SLCO3A1: variants seen among roughly 807,000 people sequenced by gnomAD.
SLCO3A1 encodes PGE1 transporter.
In SLCO3A1, 27 loss-of-function variants were observed where a neutral mutation model predicts 63.1. The ratio of observed to expected loss-of-function variants is 0.43; its 90% CI spans 0.32 to 0.59. The LOEUF (loss-of-function observed/expected upper bound fraction) is 0.59, where lower values mean the gene tolerates loss of function less well. SLCO3A1 is among the 20% of genes least tolerant of loss of function. The probability of loss-of-function intolerance (pLI) is 0.09; values close to 1 mark genes in which losing one functional copy is unlikely to be tolerated. For synonymous variants in SLCO3A1, 473 were observed against 409.9 expected (o/e 1.15, Z -1.86); for missense variants, 773 against 945.8 (o/e 0.82, Z 2.40).
chr15:91,876,206 G>A (rs922659713), intron 1 of SLCO3A1, among the ~76,000 whole-genome samples: 1 of 152,128 alleles, frequency 6.6e-6, no homozygotes, highest in Admixed American at 6.5e-5. Flanking sequence ...TCACTCCCAG[G>A]AGTGGCATTG....
At chr15:91,861,372 C>T (rs994867862) in intron 1 of SLCO3A1, among the ~76,000 whole-genome samples, 3 of 152,158 alleles carry the variant, frequency 2.0e-5, no homozygotes, top group South Asian at 2.1e-4. Flanking sequence ...TTCTTTATTT[C>T]GGTTCTTCTT....
rs1030047811 is a variant in SLCO3A1, at chr15:92,171,741, CTTT to C, written c.1997-36_1997-34del. ...TAGGTGAAGCAGAAAAGACCGATCT[CTTT>C]TTCCTCTTGGCTCTTCTTCCCTCCT... On this transcript the variant is annotated intron_variant, in intron 10 of 10. Coordinates refer to the SLCO3A1 transcript ENST00000424469. 2.8e-6 allele frequency: 4 copies of C among 1,428,348 alleles called. No individual in the cohort carries two copies. The African/African-American group carries it at 4.3e-5, about 15-fold the overall frequency. 88.5% of individuals were successfully genotyped at this position (1,428,348 alleles called of 1,614,324 possible).
intron 2 of SLCO3A1, among the ~76,000 whole-genome samples, chr15:91,964,291 C>T (rs1900574178): frequency 7.8e-6 from 1 of 128,954 alleles, no homozygotes; most frequent in South Asian, 2.4e-4. Context: ...GCCTTGTCAT[C>T]TGTAATTTTT....
intron 2 of SLCO3A1, among the ~76,000 whole-genome samples, chr15:91,974,191 G>T: frequency 6.6e-6 from 1 of 152,002 alleles, no homozygotes; most frequent in East Asian, 1.9e-4. Flanking sequence ...TAAGAACCAG[G>T]ACAGCAGGTT....
chr15:92,056,296 C>T (rs1317840606), intron 2 of SLCO3A1, among the ~76,000 whole-genome samples: 1 of 152,130 alleles, frequency 6.6e-6, no homozygotes, highest in Non-Finnish European at 1.5e-5. Flanking sequence ...GAATACAATT[C>T]CTTGCTGAAC....
intron 2 of SLCO3A1, among the ~76,000 whole-genome samples, chr15:92,091,366 CCCTT>C (rs970973147): frequency 6.6e-6 from 1 of 152,196 alleles, no homozygotes; most frequent in African/African-American, 2.4e-5. Flanking sequence ...GAGGCGCTGG[CCCTT>C]CCTTCCACAG....
At chr15:92,150,129 C>G (rs2048285187) in intron 8 of SLCO3A1, among the ~76,000 whole-genome samples, 1 of 152,152 alleles carries the variant, frequency 6.6e-6, no homozygotes, top group Non-Finnish European at 1.5e-5. Flanking sequence ...GTCTGGGTCC[C>G]AAACTGAAGA....
At chr15:91,917,305 C>T (rs1421958092) in intron 2 of SLCO3A1, among the ~76,000 whole-genome samples, 1 of 152,194 alleles carries the variant, frequency 6.6e-6, no homozygotes, top group African/African-American at 2.4e-5. Flanking sequence ...CCCAGGGAAG[C>T]TTTATGCCTC....
rs1385522824 is a variant in SLCO3A1 at position 92,133,702 on chromosome 15, G to A, written c.1512+5213G>A. On this transcript the variant is annotated intron_variant, in intron 7 of 9. Transcript: ENST00000318445. ...ATTGTCTCCCATCATCCCTAGATGG[G>A]ACCGTCTAGTTACAGGAAAACAAGC... 7.6e-5 allele frequency among the ~76,000 whole-genome samples: 11 copies of A among 145,312 alleles called. 1 individual carries two copies. Among genetic ancestry groups the A allele is most frequent in the Admixed American group, 7.5e-4 (11 of 14,644 alleles).
chr15:91,975,832 G>A (rs1405038360), intron 2 of SLCO3A1, among the ~76,000 whole-genome samples: 1 of 152,224 alleles, frequency 6.6e-6, no homozygotes, highest in African/African-American at 2.4e-5. Flanking sequence ...ACACCAGCCT[G>A]AAGAGCTGTG....
At chr15:92,102,904 C>G (rs1052134406) in intron 3 of SLCO3A1, among the ~76,000 whole-genome samples, 3 of 152,200 alleles carry the variant, frequency 2.0e-5, no homozygotes, top group South Asian at 2.1e-4. Flanking sequence ...CCCCATGAAC[C>G]TGGGCAACGA....
intron 2 of SLCO3A1, among the ~76,000 whole-genome samples, chr15:92,072,962 C>T (rs1398618738): frequency 6.6e-6 from 1 of 152,112 alleles, no homozygotes; most frequent in Non-Finnish European, 1.5e-5. Context: ...TTACACGGGG[C>T]AGAAGAGAGA....
At chr15:91,940,753 G>A (rs914533307) in intron 2 of SLCO3A1, among the ~76,000 whole-genome samples, 4 of 152,184 alleles carry the variant, frequency 2.6e-5, no homozygotes, top group Non-Finnish European at 5.9e-5. Context: ...CCCAGAGAAT[G>A]AATGCCCTGT....
rs1898718759 is a variant in SLCO3A1 at position 91,918,021 on chromosome 15, C to T, written c.646+1563C>T. Among the ~76,000 whole-genome samples, 4 of 152,216 alleles carry T rather than the reference C, an allele frequency of 2.6e-5. No individual in the cohort carries two copies. In the South Asian group the frequency reaches 8.3e-4, roughly 32 times the overall value. On this transcript the variant is annotated intron_variant, in intron 2 of 9. Transcript: ENST00000318445. ...GTAGAAAAATTTCTCCCCAGAGTCA[C>T]CCCTGAAGTCCTAACAGTGCTGTAT...
chr15:92,004,534 A>T (rs1567061984), intron 2 of SLCO3A1, among the ~76,000 whole-genome samples: 1 of 152,202 alleles, frequency 6.6e-6, no homozygotes, highest in Admixed American at 6.5e-5. Context: ...AGTGTTGAAG[A>T]GATGATGAAT....
chr15:91,991,266 C>T (rs1364185733), intron 2 of SLCO3A1, among the ~76,000 whole-genome samples: 1 of 152,038 alleles, frequency 6.6e-6, no homozygotes, highest in African/African-American at 2.4e-5. Flanking sequence ...ACTCAGGAGG[C>T]TGAGGTGGGG....
intron 2 of SLCO3A1, among the ~76,000 whole-genome samples, chr15:92,069,096 G>GCCCCCCCC (rs56003783): frequency 1.7e-5 from 2 of 115,740 alleles, no homozygotes; most frequent in Admixed American, 8.8e-5. Flanking sequence ...GGCTCCCCCC[G>GCCCCCCCC]CCCCCCCCCC....
At chr15:92,107,350 C>T (rs927635692) in intron 4 of SLCO3A1, among the ~76,000 whole-genome samples, 2 of 152,164 alleles carry the variant, frequency 1.3e-5, no homozygotes, top group African/African-American at 2.4e-5. Context: ...TTACACATGC[C>T]AGTGCATGAA....
At chr15:91,993,944 T>A (rs1297238284) in intron 2 of SLCO3A1, among the ~76,000 whole-genome samples, 1 of 152,098 alleles carries the variant, frequency 6.6e-6, no homozygotes, top group Admixed American at 6.6e-5. Context: ...GCCCCAACTT[T>A]CCAGCCATGA....
Sources: gnomAD v4.1 joint callset for allele counts (sites outside exome capture counted in the v4.1 genomes callset) on GRCh38, gnomAD v4.1.1 for gene constraint, MANE v1.5 for transcripts, NCBI Gene and HGNC (gene_info 2026-07-23, HGNC 2026-07-21) for gene names.